Variants in ZNF827 observed in about 807,000 individuals in gnomAD.
ZNF827 encodes the protein zinc finger protein 827.
In ZNF827, 13 loss-of-function variants were observed where a neutral mutation model predicts 102.4. That is an observed-to-expected ratio of 0.13 (90% CI 0.08 to 0.20). ZNF827 has a LOEUF of 0.20. Among genes scored for constraint, ZNF827 ranks in the 10% least tolerant of loss-of-function variants. The pLI, the probability that ZNF827 is intolerant of heterozygous loss-of-function variation, is 1.00. For missense variants in ZNF827, 1,103 were observed against 1,344.4 expected (o/e 0.82, Z 2.81); for synonymous variants, 523 against 536.2 (o/e 0.98, Z 0.34).
At chr4:145,793,945 G>C (rs897199673) in intron 8 of ZNF827, among the ~76,000 whole-genome samples, 3 of 152,104 alleles carry the variant, frequency 2.0e-5, no homozygotes, top group Non-Finnish European at 2.9e-5. Context: ...AACTCTGACT[G>C]GGGGGAAGTC....
intron 5 of ZNF827, among the ~76,000 whole-genome samples, chr4:145,858,374 G>A (rs985202432): frequency 1.3e-5 from 2 of 152,158 alleles, no homozygotes; most frequent in Non-Finnish European, 2.9e-5. Context: ...GTTCACACCT[G>A]TAATCCCAGT....
chr4:145,938,583 A>G lies in ZNF827; in HGVS notation c.-176T>C, dbSNP rs566580649. ...GGGTTGAAGCTTGTTTCCTGGAGCC[A>G]GAAGAGGGGTTTTCTTCTTTTCTTT... On this transcript the variant is annotated 5_prime_UTR_variant, in exon 1 of 15. Transcript: ENST00000508784. 12 of 547,044 alleles carry G rather than the reference A, an allele frequency of 2.2e-5. No homozygotes were observed. The South Asian group carries it at 2.9e-4, about 13-fold the overall frequency. The allele number at this position is 547,044 out of a possible 1,614,324, so 33.9% of individuals were successfully genotyped here.
chr4:145,802,945 A>G (rs1741058114), intron 8 of ZNF827, among the ~76,000 whole-genome samples: 1 of 152,186 alleles, frequency 6.6e-6, no homozygotes, highest in Non-Finnish European at 1.5e-5. Context: ...GTCTCACAAA[A>G]ATAAAAGAGT....
chr4:145,796,942 T>A (rs976297357), intron 8 of ZNF827, among the ~76,000 whole-genome samples: 1 of 152,120 alleles, frequency 6.6e-6, no homozygotes, highest in African/African-American at 2.4e-5. Flanking sequence ...CATTTGTTCC[T>A]CCTAACAACC....
intron 7 of ZNF827, among the ~76,000 whole-genome samples, chr4:145,833,692 G>A (rs1003857346): frequency 3.2e-5 from 4 of 125,372 alleles, no homozygotes; most frequent in South Asian, 2.7e-4. Flanking sequence ...CCCCAACCTC[G>A]TATCTCTGTG....
intron 8 of ZNF827, among the ~76,000 whole-genome samples, chr4:145,819,011 T>C (rs1373260998): frequency 1.6e-4 from 25 of 152,126 alleles, no homozygotes; most frequent in Admixed American, 1.2e-3. Flanking sequence ...AAACTAAAAC[T>C]TCCCCCTGCC....
intron 1 of ZNF827, among the ~76,000 whole-genome samples, chr4:145,925,224 T>C (rs2126976160): frequency 6.6e-6 from 1 of 152,228 alleles, no homozygotes; most frequent in East Asian, 1.9e-4. Flanking sequence ...GTGGGAATTA[T>C]GCAAGCTACA....
At chr4:145,835,170 C>G (rs997261158) in intron 7 of ZNF827, 1 of 152,246 alleles carries the variant, frequency 6.6e-6, no homozygotes, top group Non-Finnish European at 1.5e-5. Flanking sequence ...TAGCCCAAGG[C>G]TCTCTGACTG....
At chr4:145,865,069 G>C (rs1748062407) in intron 5 of ZNF827, among the ~76,000 whole-genome samples, 1 of 152,136 alleles carries the variant, frequency 6.6e-6, no homozygotes, top group African/African-American at 2.4e-5. Flanking sequence ...TCTCCAACAT[G>C]GTCTTAGATT....
chr4:145,907,763 T>C (rs910395591), intron 1 of ZNF827, among the ~76,000 whole-genome samples: 1 of 151,968 alleles, frequency 6.6e-6, no homozygotes, highest in Non-Finnish European at 1.5e-5. Flanking sequence ...ACAACCTCTG[T>C]CTCTGACTGT....
chr4:145,891,655 G>C lies in ZNF827; in HGVS notation c.1266+588C>G, dbSNP rs1381899564. On this transcript the variant is annotated intron_variant, in intron 3 of 14. Transcript: ENST00000508784. ...AATTATGATAGCTCAAACAATGACA[G>C]CCTCAATGAGGACTACAGTCTTGTT... Among the ~76,000 whole-genome samples, 4 of 152,212 alleles carry C rather than the reference G, an allele frequency of 2.6e-5. No homozygotes were observed. The South Asian group carries it at 8.3e-4, about 32-fold the overall frequency.
chr4:145,803,904 GT>G (rs1741160255), intron 8 of ZNF827, among the ~76,000 whole-genome samples: 1 of 151,944 alleles, frequency 6.6e-6, no homozygotes, highest in African/African-American at 2.4e-5. Context: ...CAAAATGGAT[GT>G]AGTTTACCCT....
Position 145,938,365 on chromosome 4 carries a change from G to GT in ZNF827, c.42dup (p.His15ThrfsTer3). On this transcript the variant is annotated frameshift_variant and splice_region_variant, in exon 1 of 15. Transcript: ENST00000508784. LOFTEE classifies it high-confidence loss of function. ...AGGAGGTGGAGAAGGGATGACTTACGTGAGGGAAGGCGCTTGGGCTGCTCC... is the reference window on the plus strand; with the variant it reads ...AGGAGGTGGAGAAGGGATGACTTACGTTGAGGGAAGGCGCTTGGGCTGCTCC... The GT allele has an allele frequency of 6.2e-7, 1 of 1,613,622 alleles. No individual in the cohort carries two copies. Among genetic ancestry groups the GT allele is most frequent in the Non-Finnish European group, 8.5e-7 (1 of 1,179,972 alleles).
At chr4:145,777,280 G>A (rs1330487595) in intron 9 of ZNF827, among the ~76,000 whole-genome samples, 1 of 152,138 alleles carries the variant, frequency 6.6e-6, no homozygotes, top group East Asian at 1.9e-4. Context: ...GTTAAGTTTT[G>A]TTATTAAGGT....
In ZNF827 at chr4:145,874,884, G is replaced by C. The variant is rs1204273618; in HGVS notation, c.1748-4406C>G. ...ATCGTAGGACCTGGGCCACGCTGCT[G>C]ATCAATTACACATACCTCTCAGTTT... On this transcript the variant is annotated intron_variant, in intron 4 of 14. Coordinates refer to ENST00000508784, the MANE Select transcript of ZNF827 (RefSeq NM_001306215.2). Among the ~76,000 whole-genome samples, 3 of 152,280 alleles carry C rather than the reference G, an allele frequency of 2.0e-5. No individual in the cohort carries two copies. In the East Asian group the frequency reaches 5.8e-4, roughly 29 times the overall value.
chr4:145,925,851 C>T (rs554294918), intron 1 of ZNF827, among the ~76,000 whole-genome samples: 8 of 152,322 alleles, frequency 5.3e-5, no homozygotes, highest in African/African-American at 1.7e-4. Flanking sequence ...CTTAGAAAAT[C>T]ACCCCCAACG....
At chr4:145,818,809 T>C (rs967110506) in intron 8 of ZNF827, among the ~76,000 whole-genome samples, 7 of 152,186 alleles carry the variant, frequency 4.6e-5, no homozygotes, top group Admixed American at 3.9e-4. Flanking sequence ...GAGAGCTAGT[T>C]GCAGGTGGCA....
chr4:145,765,811 G>A lies in ZNF827; in HGVS notation c.2861-73C>T, dbSNP rs759932400. ...CAGAATTATAGCAACTGAGGGTGAC[G>A]AGTTGAGTCTCATGGATGCATCATC... On this transcript the variant is annotated intron_variant, in intron 11 of 14. Transcript: ENST00000508784. The surrounding 1 kb of genome is among the most constrained non-coding windows in gnomAD (Gnocchi z 4.7). The A allele has an allele frequency of 2.2e-5, 33 of 1,472,622 alleles. No homozygotes were observed. The highest frequency in any genetic ancestry group is 2.9e-5 in the Non-Finnish European group (31 of 1,080,806). The allele number at this position is 1,472,622 out of a possible 1,614,324, so 91.2% of individuals were successfully genotyped here.
intron 7 of ZNF827, among the ~76,000 whole-genome samples, chr4:145,837,851 T>A (rs1332100081): frequency 5.3e-5 from 8 of 151,912 alleles, no homozygotes; most frequent in African/African-American, 1.9e-4. Context: ...TCTTCTAACA[T>A]CCCCACAATA....
Sources: gnomAD v4.1 joint callset for allele counts (sites outside exome capture counted in the v4.1 genomes callset) on GRCh38, gnomAD v4.1.1 for gene constraint, Gnocchi (gnomAD v3.1) non-coding constraint, MANE v1.5 for transcripts, NCBI Gene and HGNC (gene_info 2026-07-23, HGNC 2026-07-21) for gene names.